Variants in TRPC6 observed in about 807,000 individuals in gnomAD.
The protein encoded by TRPC6 is short transient receptor potential channel 6.
In TRPC6, 55 loss-of-function variants were observed where a neutral mutation model predicts 90.7. That is an observed-to-expected ratio of 0.61 (90% CI 0.49 to 0.76). The LOEUF is 0.76. Ranked by LOEUF, TRPC6 falls within the 30% of genes least tolerant of loss-of-function variation. The pLI, the probability that TRPC6 is intolerant of heterozygous loss-of-function variation, is 0.00. For missense variants in TRPC6, 989 were observed against 1,122.7 expected, an observed-to-expected ratio of 0.88 and a Z score of 1.70; for synonymous variants, 393 against 393.0, an observed-to-expected ratio of 1.00 and a Z score of 0.00.
chr11:101,517,951 T>C (rs1591104951), intron 1 of TRPC6, among the ~76,000 whole-genome samples: 1 of 152,222 alleles, frequency 6.6e-6, no homozygotes, highest in Non-Finnish European at 1.5e-5. Flanking sequence ...GATATTCCCA[T>C]AGCTGGTGTT....
At chr11:101,462,193 A>G (rs1859019764) in intron 10 of TRPC6, among the ~76,000 whole-genome samples, 1 of 132,722 alleles carries the variant, frequency 7.5e-6, no homozygotes, top group Non-Finnish European at 1.5e-5. Flanking sequence ...TGGTACCAGT[A>G]CCATGCTGTT....
chr11:101,493,228 A>G (rs1390913864), intron 2 of TRPC6, among the ~76,000 whole-genome samples: 2 of 152,216 alleles, frequency 1.3e-5, no homozygotes, highest in Non-Finnish European at 2.9e-5. Flanking sequence ...CATAAAATAC[A>G]CTAACACTAA....
intron 1 of TRPC6, among the ~76,000 whole-genome samples, chr11:101,532,233 C>A (rs1206899327): frequency 1.3e-5 from 2 of 152,116 alleles, no homozygotes; most frequent in African/African-American, 4.8e-5. Flanking sequence ...TGCAAAAATC[C>A]AAAACCTAAA....
intron 10 of TRPC6, among the ~76,000 whole-genome samples, chr11:101,468,127 C>T (rs1859194253): frequency 6.6e-6 from 1 of 152,198 alleles, no homozygotes; most frequent in Non-Finnish European, 1.5e-5. Flanking sequence ...GCCCATGCGG[C>T]CCCATTGCTG....
intron 10 of TRPC6, among the ~76,000 whole-genome samples, chr11:101,467,185 C>G (rs1859169456): frequency 6.6e-6 from 1 of 152,182 alleles, no homozygotes; most frequent in African/African-American, 2.4e-5. Flanking sequence ...TTTGTTTCTT[C>G]CACTCACTAC....
chr11:101,475,929 C>CAT (rs1404080497), intron 6 of TRPC6, among the ~76,000 whole-genome samples: 8 of 150,158 alleles, frequency 5.3e-5, no homozygotes, highest in Admixed American at 1.3e-4. Context: ...TATACATATA[C>CAT]ATATATATGT....
At chr11:101,471,060 G>T in intron 9 of TRPC6, 123 bp downstream of exon 9, 1 of 889,028 alleles carries the variant, frequency 1.1e-6, no homozygotes. Flanking sequence ...TGTGTGAAGT[G>T]ACTGCATATG....
chr11:101,462,255 A>T (rs1859022353), intron 10 of TRPC6, among the ~76,000 whole-genome samples: 1 of 152,180 alleles, frequency 6.6e-6, no homozygotes, highest in African/African-American at 2.4e-5. Context: ...TGATGCCTCC[A>T]GCTTTGTTCT....
At chr11:101,581,464 G>T (rs1862194852) in intron 1 of TRPC6, among the ~76,000 whole-genome samples, 1 of 152,124 alleles carries the variant, frequency 6.6e-6, no homozygotes, top group African/African-American at 2.4e-5. Flanking sequence ...TTTTTTGACA[G>T]ACACAGCGAC....
intron 1 of TRPC6, 32 bp downstream of exon 1, chr11:101,583,302 C>T (rs2136909383): frequency 6.4e-7 from 1 of 1,553,474 alleles, no homozygotes; most frequent in South Asian, 1.2e-5. Context: ...GCGCAGCCCG[C>T]GCCCGATCCG....
Position 101,526,509 on chromosome 11 carries a change from CTCTT to C in TRPC6, c.171-21715_171-21712del, listed in dbSNP as rs1406784645. 3.3e-5 allele frequency among the ~76,000 whole-genome samples: 5 copies of C among 152,196 alleles called. No individual in the cohort carries two copies. In the East Asian group the frequency reaches 9.7e-4, roughly 29 times the overall value. On this transcript the variant is annotated intron_variant, in intron 1 of 12. Transcript: ENST00000344327. ...TTCAGATGTGTTATTCCTAAACTTTCTCTTTATTTGTGTATATAAATCCTTTCCA... is the reference window on the plus strand; with the variant it reads ...TTCAGATGTGTTATTCCTAAACTTTCTATTTGTGTATATAAATCCTTTCCA...
intron 8 of TRPC6, 115 bp from the exon 9 acceptor site, chr11:101,471,501 A>T: frequency 1.8e-6 from 2 of 1,081,942 alleles, no homozygotes. Flanking sequence ...CTCAGACCCC[A>T]GTGATCGTTC....
At chr11:101,510,168 C>T (rs1267756104) in intron 1 of TRPC6, among the ~76,000 whole-genome samples, 3 of 152,066 alleles carry the variant, frequency 2.0e-5, no homozygotes, top group Non-Finnish European at 4.4e-5. Flanking sequence ...ATTTTTATGT[C>T]ACAAGTGGTG....
chr11:101,470,740 C>G (rs191551252), intron 9 of TRPC6, among the ~76,000 whole-genome samples: 111 of 151,282 alleles, frequency 7.3e-4, no homozygotes, highest in African/African-American at 2.6e-3. Context: ...CTCCCAAATT[C>G]TATGTGAGCA....
intron 1 of TRPC6, among the ~76,000 whole-genome samples, chr11:101,551,553 T>C (rs1243977112): frequency 6.6e-6 from 1 of 152,038 alleles, no homozygotes; most frequent in African/African-American, 2.4e-5. Context: ...AAATTGCTTT[T>C]CATTACTCTC....
At chr11:101,534,813 T>C (rs1221302785) in intron 1 of TRPC6, among the ~76,000 whole-genome samples, 1 of 152,214 alleles carries the variant, frequency 6.6e-6, no homozygotes, top group Non-Finnish European at 1.5e-5. Flanking sequence ...AGGAGATTTC[T>C]ACGTATCAGA....
Position 101,453,634 on chromosome 11 carries a change from T to A in TRPC6, c.2644+16A>T, listed in dbSNP as rs748232120. 1.9e-6 allele frequency: 3 copies of A among 1,613,584 alleles called. No individual in the cohort carries two copies. The highest frequency in any genetic ancestry group is 2.5e-6 in the Non-Finnish European group (3 of 1,179,560). ...ACTCACATTCAGGGGCTGATTTGCT[T>A]CTGCGTTCAACTCACCTTCGTTCAC... On this transcript the variant is annotated intron_variant, in intron 12 of 12. Transcript: ENST00000344327.
rs1426872577 is a variant in TRPC6 at position 101,482,889 on chromosome 11, G to A, written c.1510+60C>T. The A allele has an allele frequency of 4.7e-6, 7 of 1,500,402 alleles. No individual in the cohort carries two copies. The South Asian group carries it at 6.8e-5, about 15-fold the overall frequency. 92.9% of individuals were successfully genotyped at this position (1,500,402 alleles called of 1,614,324 possible). On this transcript the variant is annotated intron_variant, in intron 5 of 12. Coordinates refer to ENST00000344327, the MANE Select transcript of TRPC6 (RefSeq NM_004621.6). ...ATAACTGATGTGTGAAAGAATCAGT[G>A]TCATTCAGTCCAACTGCTAAGACTG...
At chr11:101,560,894 G>C (rs896638163) in intron 1 of TRPC6, among the ~76,000 whole-genome samples, 2 of 152,080 alleles carry the variant, frequency 1.3e-5, no homozygotes, top group African/African-American at 4.8e-5. Flanking sequence ...TGTTGGTGAG[G>C]GAAGGCAGAA....
Sources: allele counts gnomAD v4.1 joint callset (sites outside exome capture counted in the v4.1 genomes callset), GRCh38; gene constraint gnomAD v4.1.1; transcripts MANE v1.5; gene names NCBI Gene and HGNC (gene_info 2026-07-23, HGNC 2026-07-21).